Variants in B4GALT6 observed in about 807,000 individuals in gnomAD.
B4GALT6 encodes UDP-Gal:beta-GlcNAc beta-1,4-galactosyltransferase 6.
Under a neutral mutation model 46.3 loss-of-function variants are expected in B4GALT6, and 14 were observed. The observed-to-expected ratio is 0.30, with a 90% confidence interval of 0.20 to 0.47. The LOEUF is 0.47. Ranked by LOEUF, B4GALT6 falls within the 20% of genes least tolerant of loss-of-function variation. The pLI is 0.99. For synonymous variants in B4GALT6, 168 were observed against 162.0 expected, an observed-to-expected ratio of 1.04 and a Z score of -0.28; for missense variants, 386 against 480.1, an observed-to-expected ratio of 0.80 and a Z score of 1.83.
intron 4 of B4GALT6, among the ~76,000 whole-genome samples, chr18:31,643,372 C>T (rs1227054187): frequency 6.6e-6 from 1 of 152,132 alleles, no homozygotes; most frequent in East Asian, 1.9e-4. Context: ...GATCTCGGCT[C>T]ACTGCAGCTT....
intron 5 of B4GALT6, 50 bp from the exon 6 acceptor site, chr18:31,631,196 TCA>T: frequency 8.5e-7 from 1 of 1,174,622 alleles, no homozygotes. Context: ...TCACACTTCA[TCA>T]TCTTTTTTTT....
the B4GALT6 span, chr18:31,724,391 G>A: frequency 9.1e-7 from 1 of 1,103,284 alleles, no homozygotes; most frequent in Non-Finnish European, 1.1e-6. Context: ...GACTCCCTGG[G>A]GCCAACTTAG....
rs540996345 is a variant in B4GALT6, at chr18:31,629,616, G to A, written c.776+1343C>T. Among the ~76,000 whole-genome samples the A allele has an allele frequency of 2.2e-4, 33 of 150,906 alleles. 1 individual carries two copies. Among genetic ancestry groups the A allele is most frequent in the Non-Finnish European group, 3.0e-4 (20 of 67,594 alleles). On this transcript the variant is annotated intron_variant, in intron 6 of 8. Coordinates refer to ENST00000306851, the MANE Select transcript of B4GALT6 (RefSeq NM_004775.5). ...TGTAATCCCAGCACTTTGGGAGGCC[G>A]AGGCGGGTGGATCACAAGGTCAGGA... is the stretch of plus-strand genomic sequence containing the variant.
chr18:31,670,401 C>T (rs2074336825), intron 1 of B4GALT6, among the ~76,000 whole-genome samples: 1 of 143,962 alleles, frequency 6.9e-6, no homozygotes, highest in Non-Finnish European at 1.5e-5. Context: ...GAATTATTTA[C>T]CAAAAGAGTG....
At chr18:31,646,488 G>A (rs751417159) in intron 3 of B4GALT6, among the ~76,000 whole-genome samples, 4 of 152,154 alleles carry the variant, frequency 2.6e-5, no homozygotes, top group Non-Finnish European at 5.9e-5. Flanking sequence ...GATGTAAAAG[G>A]CTATTGAAAC....
chr18:31,676,005 T>A (rs1483503051), intron 1 of B4GALT6, among the ~76,000 whole-genome samples: 1 of 152,128 alleles, frequency 6.6e-6, no homozygotes, highest in Non-Finnish European at 1.5e-5. Flanking sequence ...GGGAACTGGG[T>A]AGGAAATGAA....
chr18:31,709,603 G>GTGTGTGTA, the B4GALT6 span, among the ~76,000 whole-genome samples: 65 of 135,522 alleles, frequency 4.8e-4, no homozygotes, highest in African/African-American at 1.5e-3. Flanking sequence ...GTGTGTGTGT[G>GTGTGTGTA]TATATATATA....
the B4GALT6 span, among the ~76,000 whole-genome samples, chr18:31,712,576 A>G: frequency 3.3e-5 from 5 of 152,210 alleles, no homozygotes; most frequent in East Asian, 7.7e-4. Context: ...TCAGCCTCCC[A>G]AAGTGTTGGG....
chr18:31,689,269 C>G (rs1407530336), upstream of B4GALT6, among the ~76,000 whole-genome samples: 1 of 152,218 alleles, frequency 6.6e-6, no homozygotes, highest in Admixed American at 6.5e-5. Context: ...AAATCCTAGG[C>G]CGACTGGAAA....
At chr18:31,666,968 C>T (rs2074290213) in intron 1 of B4GALT6, among the ~76,000 whole-genome samples, 1 of 152,076 alleles carries the variant, frequency 6.6e-6, no homozygotes, top group African/African-American at 2.4e-5. Flanking sequence ...ATGGTAAAAG[C>T]AAATAAAATC....
At chr18:31,667,707 A>C (rs1265860219) in intron 1 of B4GALT6, among the ~76,000 whole-genome samples, 1 of 152,218 alleles carries the variant, frequency 6.6e-6, no homozygotes, top group African/African-American at 2.4e-5. Flanking sequence ...AAGCATGTCT[A>C]CAGGCTTTCT....
chr18:31,719,742 G>GATCT, the B4GALT6 span, among the ~76,000 whole-genome samples: 9 of 152,302 alleles, frequency 5.9e-5, no homozygotes, highest in East Asian at 1.7e-3. Flanking sequence ...TGATCAGGTA[G>GATCT]GAGATGGAAT....
intron 4 of B4GALT6, among the ~76,000 whole-genome samples, chr18:31,644,841 T>A (rs1187098830): frequency 6.6e-6 from 1 of 152,224 alleles, no homozygotes; most frequent in Non-Finnish European, 1.5e-5. Context: ...ACTTTTCAAG[T>A]CCCACAGTGA....
At chr18:31,661,120 A>G (rs1036830046) in intron 2 of B4GALT6, among the ~76,000 whole-genome samples, 2 of 152,186 alleles carry the variant, frequency 1.3e-5, no homozygotes, top group Non-Finnish European at 2.9e-5. Flanking sequence ...AGATCTACAA[A>G]ACGAACAATC....
At chr18:31,692,743 AATT>A in the B4GALT6 span, among the ~76,000 whole-genome samples, 1 of 152,176 alleles carries the variant, frequency 6.6e-6, no homozygotes, top group African/African-American at 2.4e-5. Flanking sequence ...AAGTTATAAA[AATT>A]ATTGTTATTT....
intron 1 of B4GALT6, among the ~76,000 whole-genome samples, chr18:31,668,764 G>C (rs886852626): frequency 2.6e-5 from 4 of 151,506 alleles, no homozygotes; most frequent in Non-Finnish European, 5.9e-5. Context: ...ATTTTGGAAG[G>C]CCAATACAGG....
the B4GALT6 span, among the ~76,000 whole-genome samples, chr18:31,697,571 G>A: frequency 2.0e-5 from 3 of 152,138 alleles, no homozygotes; most frequent in South Asian, 2.1e-4. Context: ...TTATCTCTCC[G>A]GGTTAGTTTA....
rs1374328411 is a variant in B4GALT6, at chr18:31,684,292, G to A, written c.115+20C>T. 1.2e-6 allele frequency: 2 copies of A among 1,612,892 alleles called. No individual in the cohort carries two copies. Among genetic ancestry groups the A allele is most frequent in the South Asian group, 1.1e-5 (1 of 91,032 alleles). On this transcript the variant is annotated intron_variant, in intron 1 of 8. Coordinates refer to ENST00000306851, the MANE Select transcript of B4GALT6 (RefSeq NM_004775.5). The stretch of plus-strand genomic sequence containing the variant: ...GCTGTGGTGTGACCAGGGGAAGCGA[G>A]GGTGTGTCTCGGTGCTTACCGATGC...
chr18:31,688,261 A>ATATATATATATATATATACG (rs199674404), upstream of B4GALT6, among the ~76,000 whole-genome samples: 98 of 146,852 alleles, frequency 6.7e-4, no homozygotes, highest in African/African-American at 1.1e-3. Flanking sequence ...ATATATATAC[A>ATATATATATATATATATACG]TATATATATA....
Sources: gnomAD v4.1 joint callset for allele counts (sites outside exome capture counted in the v4.1 genomes callset) on GRCh38, gnomAD v4.1.1 for gene constraint, MANE v1.5 for transcripts, NCBI Gene and HGNC (gene_info 2026-07-23, HGNC 2026-07-21) for gene names.